PDE1A: variants seen among roughly 807,000 people sequenced by gnomAD.
PDE1A encodes the protein phosphodiesterase 1A.
In PDE1A, 35 loss-of-function variants were observed where a neutral mutation model predicts 61.7. That is an observed-to-expected ratio of 0.57 (90% CI 0.43 to 0.75). The LOEUF (loss-of-function observed/expected upper bound fraction) is 0.75. Ranked by LOEUF, PDE1A falls within the 30% of genes least tolerant of loss-of-function variation. The probability of loss-of-function intolerance (pLI) is 0.00; values close to 1 mark genes in which losing one functional copy is unlikely to be tolerated. For missense variants in PDE1A, 597 were observed against 630.6 expected (o/e 0.95, Z 0.57); for synonymous variants, 232 against 213.2 (o/e 1.09, Z -0.77).
the PDE1A span, among the ~76,000 whole-genome samples, chr2:182,577,129 C>A: frequency 6.6e-6 from 1 of 151,760 alleles, no homozygotes; most frequent in African/African-American, 2.4e-5. Context: ...ATTTACTTTT[C>A]ATATTACTTT....
At position 182,224,382 on chromosome 2, in the gene PDE1A, AT is replaced by A. The variant is rs1198512320; in HGVS notation, c.676-419del. Among the ~76,000 whole-genome samples, 8 of 152,038 alleles carry A rather than the reference AT, an allele frequency of 5.3e-5. No homozygotes were observed. The East Asian group carries it at 7.7e-4, about 15-fold the overall frequency. On this transcript the variant is annotated intron_variant, in intron 6 of 13. Transcript: ENST00000351439. ...GTAGAACAATCTACTATGAAAAAAAATTTCATCTAAAAATTAAAAATATTCA... is the reference window on the plus strand; with the variant it reads ...GTAGAACAATCTACTATGAAAAAAAATTCATCTAAAAATTAAAAATATTCA...
chr2:182,201,778 T>C (rs1181776381), exon 9 of PDE1A: 4 of 1,603,840 alleles, frequency 2.5e-6, no homozygotes, highest in Non-Finnish European at 3.4e-6. Context: ...AATCACTAGG[T>C]TCCGAAGATC....
chr2:182,662,328 T>A, the PDE1A span, among the ~76,000 whole-genome samples: 2 of 115,812 alleles, frequency 1.7e-5, no homozygotes, highest in Non-Finnish European at 3.3e-5. Context: ...AGCTTAAAAA[T>A]TGAAAAAAAA....
At chr2:182,576,824 A>T in the PDE1A span, among the ~76,000 whole-genome samples, 1 of 152,198 alleles carries the variant, frequency 6.6e-6, no homozygotes, top group East Asian at 1.9e-4. Flanking sequence ...AGTGGTTTTT[A>T]TGACTTCAAT....
chr2:182,259,028 C>G (rs1692024132), intron 2 of PDE1A, among the ~76,000 whole-genome samples: 1 of 152,156 alleles, frequency 6.6e-6, no homozygotes, highest in African/African-American at 2.4e-5. Flanking sequence ...TTCAGGTACT[C>G]AACAGGTATT....
intron 1 of PDE1A, among the ~76,000 whole-genome samples, chr2:182,410,441 G>A (rs1441093160): frequency 6.6e-6 from 1 of 152,026 alleles, no homozygotes; most frequent in African/African-American, 2.4e-5. Context: ...ATCAGAGTGT[G>A]GCTTATTTTA....
chr2:182,539,681 T>A, the PDE1A span, among the ~76,000 whole-genome samples: 4 of 152,276 alleles, frequency 2.6e-5, no homozygotes, highest in Non-Finnish European at 5.9e-5. Context: ...TCCACTACTG[T>A]ACATGTTATA....
At chr2:182,508,967 C>CCA (rs1689609571) in intron 2 of PDE1A, among the ~76,000 whole-genome samples, 5 of 134,576 alleles carry the variant, frequency 3.7e-5, no homozygotes, top group Non-Finnish European at 6.5e-5. Context: ...CCCCTACCCC[C>CCA]AGCCCACAAC....
chr2:182,414,365 G>T (rs1271557549), intron 1 of PDE1A, among the ~76,000 whole-genome samples: 1 of 152,018 alleles, frequency 6.6e-6, no homozygotes, highest in Non-Finnish European at 1.5e-5. Flanking sequence ...ACCCCCCCAG[G>T]GGTCTCATTC....
chr2:182,602,992 C>CACACACACACACACATACAT, the PDE1A span, among the ~76,000 whole-genome samples: 1 of 130,390 alleles, frequency 7.7e-6, no homozygotes, highest in African/African-American at 2.9e-5. Flanking sequence ...CACACACACA[C>CACACACACACACACATACAT]ACATACATAC....
At chr2:182,360,526 AGT>A (rs1239974554) in intron 1 of PDE1A, among the ~76,000 whole-genome samples, 1 of 127,274 alleles carries the variant, frequency 7.9e-6, no homozygotes, top group Non-Finnish European at 1.7e-5. Context: ...GAAGCAGTTT[AGT>A]GTTTTTTTTT....
chr2:182,214,206 G>T (rs1188791280), intron 7 of PDE1A, among the ~76,000 whole-genome samples: 1 of 151,382 alleles, frequency 6.6e-6, no homozygotes, highest in African/African-American at 2.4e-5. Flanking sequence ...TTACAGACAA[G>T]CAAATGCTGA....
the PDE1A span, among the ~76,000 whole-genome samples, chr2:182,661,998 A>C: frequency 6.6e-6 from 1 of 152,128 alleles, no homozygotes; most frequent in African/African-American, 2.4e-5. Context: ...CTGATTCTAA[A>C]ATTTATATGA....
intron 2 of PDE1A, among the ~76,000 whole-genome samples, chr2:182,475,798 T>C (rs1388361031): frequency 6.6e-6 from 1 of 151,932 alleles, no homozygotes; most frequent in Non-Finnish European, 1.5e-5. Context: ...CAAAAAGTAG[T>C]AGAATGGAAA....
intron 7 of PDE1A, among the ~76,000 whole-genome samples, chr2:182,222,059 A>C (rs1219717641): frequency 6.6e-6 from 1 of 151,974 alleles, no homozygotes; most frequent in Non-Finnish European, 1.5e-5. Flanking sequence ...TATATTAAAA[A>C]ACCAAATGAA....
intron 1 of PDE1A, among the ~76,000 whole-genome samples, chr2:182,412,267 A>G (rs1702662304): frequency 6.6e-6 from 1 of 152,124 alleles, no homozygotes; most frequent in Non-Finnish European, 1.5e-5. Context: ...TGTTTCTTAG[A>G]CAGCTATCCA....
the PDE1A span, among the ~76,000 whole-genome samples, chr2:182,586,843 A>G: frequency 6.6e-5 from 10 of 152,228 alleles, no homozygotes; most frequent in African/African-American, 2.4e-4. Context: ...CAAATACTGG[A>G]CTACAATAGT....
At chr2:182,320,747 T>C (rs780923984) in intron 1 of PDE1A, among the ~76,000 whole-genome samples, 5 of 152,208 alleles carry the variant, frequency 3.3e-5, no homozygotes, top group Non-Finnish European at 7.3e-5. Context: ...AAAAGACCTA[T>C]GATTAATATA....
chr2:182,296,826 A>G (rs546106844), intron 1 of PDE1A, among the ~76,000 whole-genome samples: 9 of 152,310 alleles, frequency 5.9e-5, no homozygotes, highest in African/African-American at 1.7e-4. Context: ...TTGAGTACAC[A>G]TCATCAATCC....
Sources: gnomAD v4.1 joint callset for allele counts (sites outside exome capture counted in the v4.1 genomes callset) on GRCh38, gnomAD v4.1.1 for gene constraint, MANE v1.5 for transcripts, NCBI Gene and HGNC (gene_info 2026-07-23, HGNC 2026-07-21) for gene names.